Variants in RAD17 observed in about 807,000 individuals in gnomAD.
RAD17 encodes the protein RAD17 checkpoint clamp loader component.
In RAD17, 31 loss-of-function variants were observed where a neutral mutation model predicts 81.5. That is an observed-to-expected ratio of 0.38 (90% CI 0.29 to 0.51). RAD17 has a LOEUF of 0.51. Among genes scored for constraint, RAD17 ranks in the 20% least tolerant of loss-of-function variants. The pLI is 0.88. For missense variants in RAD17, 681 were observed against 781.2 expected (o/e 0.87, Z 1.53); for synonymous variants, 261 against 266.2 (o/e 0.98, Z 0.19).
chr5:69,378,698 T>C (rs1437548771), intron 6 of RAD17, among the ~76,000 whole-genome samples: 2 of 152,214 alleles, frequency 1.3e-5, no homozygotes, highest in Non-Finnish European at 2.9e-5. Context: ...TTTAAAGTTA[T>C]TTAATGTTCA....
intron 17 of RAD17, among the ~76,000 whole-genome samples, chr5:69,404,247 A>G (rs1019262071): frequency 2.0e-5 from 3 of 152,206 alleles, no homozygotes; most frequent in Non-Finnish European, 4.4e-5. Context: ...AAAATAAACA[A>G]ATAGGATTAC....
intron 17 of RAD17, among the ~76,000 whole-genome samples, chr5:69,403,620 C>CT (rs745407347): frequency 1.3e-5 from 2 of 152,160 alleles, no homozygotes; most frequent in African/African-American, 2.4e-5. Context: ...AAGGTCAACT[C>CT]TATCTTTAAA....
chr5:69,388,151 G>T (rs1378450631), intron 11 of RAD17, among the ~76,000 whole-genome samples: 7 of 152,108 alleles, frequency 4.6e-5, no homozygotes. Flanking sequence ...CTCAAGACCA[G>T]CCCAGGTGTG....
At chr5:69,399,440 G>A (rs1354063263) in intron 16 of RAD17, among the ~76,000 whole-genome samples, 3 of 152,102 alleles carry the variant, frequency 2.0e-5, no homozygotes, top group African/African-American at 4.8e-5. Flanking sequence ...GGACTGGGTC[G>A]TCTCTGAGAT....
At position 69,386,403 on chromosome 5, in the gene RAD17, C is replaced by T; in HGVS notation, c.832C>T (p.Pro278Ser). The T allele has an allele frequency of 6.3e-7, 1 of 1,596,118 alleles. No individual in the cohort carries two copies. Among genetic ancestry groups the T allele is most frequent in the Non-Finnish European group, 8.5e-7 (1 of 1,173,286 alleles). ...ECSISNISFN[P>S]VAPTIMMKFL... ...TTTCTTTATAAAACTTAGTTTCAACCCTGTGGCACCAACAATTATGATGAA... is the reference window on the plus strand; with the variant it reads ...TTTCTTTATAAAACTTAGTTTCAACTCTGTGGCACCAACAATTATGATGAA... Residue 278 changes from proline to serine, a missense_variant, in exon 11 of 19, where the codon CCT (proline) becomes TCT (serine). Coordinates refer to ENST00000354868, the MANE Select transcript of RAD17 (RefSeq NM_133338.3).
At chr5:69,389,988 G>A (rs921840949) in intron 12 of RAD17, among the ~76,000 whole-genome samples, 1 of 152,112 alleles carries the variant, frequency 6.6e-6, no homozygotes, top group Admixed American at 6.6e-5. Flanking sequence ...TTTATTTCCT[G>A]TTAATGTTAA....
At chr5:69,374,172 C>T (rs1763196305) in intron 5 of RAD17, 85 bp downstream of exon 5, 2 of 1,217,250 alleles carry the variant, frequency 1.6e-6, no homozygotes, top group Non-Finnish European at 1.2e-6. Flanking sequence ...TTTACATTTT[C>T]AGATTTTTTA....
intron 12 of RAD17, among the ~76,000 whole-genome samples, chr5:69,389,424 C>G (rs943930791): frequency 6.6e-6 from 1 of 152,168 alleles, no homozygotes; most frequent in Admixed American, 6.6e-5. Flanking sequence ...CTGCCACTTA[C>G]CAGTTATATA....
At chr5:69,406,806 C>G (rs1765632226) in intron 17 of RAD17, among the ~76,000 whole-genome samples, 1 of 151,788 alleles carries the variant, frequency 6.6e-6, no homozygotes, top group East Asian at 1.9e-4. Context: ...CACACCGAAC[C>G]AATATATTGT....
intron 17 of RAD17, among the ~76,000 whole-genome samples, chr5:69,406,160 T>G (rs1765590681): frequency 6.6e-6 from 1 of 152,104 alleles, no homozygotes; most frequent in African/African-American, 2.4e-5. Context: ...AATTGTCCAT[T>G]GGATGAGGAA....
intron 4 of RAD17, among the ~76,000 whole-genome samples, chr5:69,373,465 T>C (rs1763130395): frequency 6.6e-6 from 1 of 152,136 alleles, no homozygotes; most frequent in Non-Finnish European, 1.5e-5. Flanking sequence ...TTTGGGAGGC[T>C]GATGTGAGAG....
intron 16 of RAD17, among the ~76,000 whole-genome samples, chr5:69,399,553 A>C (rs1234425827): frequency 6.6e-6 from 1 of 152,214 alleles, no homozygotes; most frequent in Non-Finnish European, 1.5e-5. Context: ...ACTTTTAAGC[A>C]ATTTATATCT....
intron 5 of RAD17, 74 bp downstream of exon 5, chr5:69,374,161 A>T (rs1183565476): frequency 7.8e-7 from 1 of 1,283,254 alleles, no homozygotes; most frequent in Non-Finnish European, 1.1e-6. Flanking sequence ...AAGCAGAGGG[A>T]TTTACATTTT....
chr5:69,393,112 T>C, intron 13 of RAD17, 43 bp from the exon 14 acceptor site: 1 of 1,353,892 alleles, frequency 7.4e-7, no homozygotes, highest in African/African-American at 1.5e-5. Context: ...TATATAATTA[T>C]AAAGAAGGTA....
chr5:69,394,634 C>T (rs1158607075), intron 15 of RAD17, among the ~76,000 whole-genome samples: 14 of 152,164 alleles, frequency 9.2e-5, no homozygotes, highest in Non-Finnish European at 1.0e-4. Context: ...CTAGCCACAT[C>T]TCCAGTACTT....
Position 69,371,172 on chromosome 5 carries a change from G to A in RAD17, c.-280+1G>A, listed in dbSNP as rs780696052. 3.0e-5 allele frequency: 15 copies of A among 501,878 alleles called. No individual in the cohort carries two copies. Among genetic ancestry groups the A allele is most frequent in the East Asian group, 5.1e-5 (1 of 19,490 alleles). The allele number at this position is 501,878 out of a possible 1,614,324, so 31.1% of individuals were successfully genotyped here. A position where few individuals can be genotyped will look rare whatever the true frequency, so the allele number is the denominator to read the frequency against. On this transcript the variant is annotated splice_donor_variant, in intron 2 of 18. Transcript: ENST00000354868. LOFTEE classifies it low-confidence loss of function (5UTR_SPLICE). ...AATTGCCTGATTTTAATGACAAAAG[G>A]TAAGTACATAGTATGTGTGGTTTTT...
At position 69,376,334 on chromosome 5, in the gene RAD17, C is replaced by T. The variant is rs140000302; in HGVS notation, c.351+1623C>T. Among the ~76,000 whole-genome samples the T allele has an allele frequency of 4.4e-3, 675 of 152,280 alleles. 8 individuals carry two copies. Among genetic ancestry groups the T allele is most frequent in the African/African-American group, 0.016 (652 of 41,554 alleles). The stretch of plus-strand genomic sequence containing the variant: ...TTTTATTAGAGTTGTACAGTAGTGA[C>T]TTTCTTATAGTTCTGTTATTTCTAC... On this transcript the variant is annotated intron_variant, in intron 6 of 18. Transcript: ENST00000354868.
intron 13 of RAD17, 80 bp from the exon 14 acceptor site, chr5:69,393,074 AT>A (rs1271986172): frequency 2.2e-6 from 2 of 928,618 alleles, no homozygotes; most frequent in East Asian, 5.3e-5. Flanking sequence ...TATGTCTAAA[AT>A]TTTCAAACTC....
chr5:69,387,970 G>A (rs528493364), intron 11 of RAD17, among the ~76,000 whole-genome samples: 23 of 152,302 alleles, frequency 1.5e-4, no homozygotes, highest in African/African-American at 5.5e-4. Context: ...AGGCTGCAGT[G>A]ATCTAGATGA....
Sources: allele counts gnomAD v4.1 joint callset (sites outside exome capture counted in the v4.1 genomes callset), GRCh38; gene constraint gnomAD v4.1.1; transcripts MANE v1.5; gene names NCBI Gene and HGNC (gene_info 2026-07-23, HGNC 2026-07-21).